Variants in ZFHX3 observed in about 807,000 individuals in gnomAD.
ZFHX3 encodes zinc finger homeobox protein 3.
A neutral mutation model predicts 279.1 loss-of-function variants in ZFHX3; 42 were observed. The ratio of observed to expected loss-of-function variants is 0.15; its 90% confidence interval spans 0.12 to 0.19. The LOEUF (loss-of-function observed/expected upper bound fraction) is 0.19. ZFHX3 is among the 10% of genes least tolerant of loss of function. The probability of loss-of-function intolerance (pLI) is 1.00; values close to 1 mark genes in which losing one functional copy is unlikely to be tolerated. For missense variants in ZFHX3, 4,981 were observed against 4,754.0 expected, an observed-to-expected ratio of 1.05 and a Z score of -1.40; for synonymous variants, 2,293 against 1,957.8, an observed-to-expected ratio of 1.17 and a Z score of -4.52.
chr16:72,958,343 T>C lies in ZFHX3; in HGVS notation c.1803A>G (p.Thr601=). ...CTGTGCTTTCATTTGGTTCTGGTGC[T>C]GTGGCATTGTCTTTATTGGCACTTT... The part of the protein sequence containing the change: ...ADESANKDNA[T]APEPNESTEG... The change falls in exon 2 of 10, where the codon ACA becomes ACG. Residue 601 remains threonine (T), a synonymous_variant. Coordinates refer to ENST00000268489, the MANE Select transcript of ZFHX3 (RefSeq NM_006885.4). The C allele has an allele frequency of 1.2e-6, 2 of 1,614,050 alleles. No homozygotes were observed. Among genetic ancestry groups the C allele is most frequent in the Non-Finnish European group, 8.5e-7 (1 of 1,179,896 alleles).
At chr16:73,557,297 A>G (rs1423063160) in intron 2 of ZFHX3, among the ~76,000 whole-genome samples, 2 of 152,112 alleles carry the variant, frequency 1.3e-5, no homozygotes, top group East Asian at 3.9e-4. Context: ...GAAAATAAAC[A>G]ATCTGTTAGT....
Position 73,704,858 on chromosome 16 carries a change from C to G in ZFHX3, c.-1607-24618G>C, listed in dbSNP as rs184352452. On this transcript the variant is annotated intron_variant, in intron 1 of 17. Transcript: ENST00000641206. ...GAATTGCATCTCCAAGCTGTCCCAC[C>G]TGAGAGGTGAGGAAGCTCAAGTACT... Among the ~76,000 whole-genome samples the G allele has an allele frequency of 2.6e-5, 4 of 152,278 alleles. No homozygotes were observed. The East Asian group carries it at 7.7e-4, about 29-fold the overall frequency.
At chr16:73,704,144 T>C (rs1415405232) in intron 1 of ZFHX3, among the ~76,000 whole-genome samples, 3 of 152,192 alleles carry the variant, frequency 2.0e-5, no homozygotes, top group Non-Finnish European at 4.4e-5. Flanking sequence ...AATTATACAA[T>C]TTCAGATTGA....
At chr16:73,083,820 T>C (rs1276484720) in intron 8 of ZFHX3, among the ~76,000 whole-genome samples, 2 of 152,164 alleles carry the variant, frequency 1.3e-5, no homozygotes, top group Admixed American at 6.6e-5. Context: ...TGAGCCACCA[T>C]GCCCGGCCTT....
chr16:73,744,381 G>T (rs1046822629), intron 1 of ZFHX3, among the ~76,000 whole-genome samples: 2 of 152,182 alleles, frequency 1.3e-5, no homozygotes, highest in Non-Finnish European at 2.9e-5. Context: ...CGGGGCTTCA[G>T]ATGCAATTAT....
intron 2 of ZFHX3, chr16:73,679,754 T>C (rs1419639745): frequency 6.6e-6 from 1 of 152,222 alleles, no homozygotes; most frequent in East Asian, 1.9e-4. Flanking sequence ...TGAGCCATCA[T>C]GTGGTACTTT....
chr16:73,367,760 G>A (rs1482732381), intron 3 of ZFHX3, among the ~76,000 whole-genome samples: 1 of 152,016 alleles, frequency 6.6e-6, no homozygotes, highest in East Asian at 1.9e-4. Context: ...TACTTATTAT[G>A]CAAGTCATAT....
intron 7 of ZFHX3, among the ~76,000 whole-genome samples, chr16:73,103,712 T>A (rs1010871849): frequency 3.9e-5 from 6 of 152,178 alleles, no homozygotes; most frequent in Admixed American, 3.9e-4. Flanking sequence ...ATGCGGAGAT[T>A]AAGCATTAAG....
intron 1 of ZFHX3, among the ~76,000 whole-genome samples, chr16:73,821,584 G>A (rs931068061): frequency 2.0e-5 from 3 of 152,196 alleles, no homozygotes; most frequent in Non-Finnish European, 4.4e-5. Flanking sequence ...AGTGCACAGC[G>A]TGGTGCTGGC....
chr16:73,887,477 T>C (rs1238663547), intron 1 of ZFHX3, among the ~76,000 whole-genome samples: 1 of 152,218 alleles, frequency 6.6e-6, no homozygotes, highest in Non-Finnish European at 1.5e-5. Context: ...TGGTTTATGA[T>C]AGATTAAAAT....
chr16:72,933,426 A>C (rs553339574), intron 3 of ZFHX3, among the ~76,000 whole-genome samples: 40 of 152,298 alleles, frequency 2.6e-4, no homozygotes, highest in African/African-American at 9.1e-4. Flanking sequence ...ATTAGGTTTT[A>C]GTATTTTACC....
intron 1 of ZFHX3, among the ~76,000 whole-genome samples, chr16:73,689,664 G>C (rs1034574973): frequency 2.5e-4 from 38 of 152,154 alleles, no homozygotes; most frequent in African/African-American, 9.2e-4. Context: ...AGGCCATATA[G>C]GCAGTTCTAT....
intron 2 of ZFHX3, among the ~76,000 whole-genome samples, chr16:73,657,141 A>G (rs2052729609): frequency 6.6e-6 from 1 of 152,230 alleles, no homozygotes; most frequent in African/African-American, 2.4e-5. Flanking sequence ...TAGTCCATAT[A>G]CGGTAGAATT....
At chr16:73,766,931 T>TA (rs1278941890) in intron 1 of ZFHX3, among the ~76,000 whole-genome samples, 4 of 144,154 alleles carry the variant, frequency 2.8e-5, no homozygotes, top group African/African-American at 1.1e-4. Flanking sequence ...GTTTTGCCAT[T>TA]ACTTTTTTTT....
rs774988278 is a variant in ZFHX3, at chr16:72,798,495, C to T, written c.4187G>A (p.Arg1396His). The change falls in exon 9 of 10, where the codon CGC becomes CAC. Residue 1396 changes from arginine (R) to histidine (H), a missense_variant. Around this residue, in one of 7 missense-constraint regions of ZFHX3, gnomAD observed 1,751 missense variants for 1,770.0 expected, o/e 0.99. Coordinates refer to ENST00000268489, the MANE Select transcript of ZFHX3 (RefSeq NM_006885.4). ...ATTACAGCGGTACTTGTACACATGG[C>T]GATCTGACACCGGCAGCTGAGGCCT... ...AKRPQLPVSDRHVYKYRCNQC... is the reference protein window; with the variant it reads ...AKRPQLPVSDHHVYKYRCNQC... The T allele has an allele frequency of 1.3e-5, 21 of 1,613,972 alleles. No homozygotes were observed. The highest frequency in any genetic ancestry group is 1.6e-4 in the Middle Eastern group (1 of 6,084).
chr16:73,883,806 G>A (rs754025290), intron 1 of ZFHX3, among the ~76,000 whole-genome samples: 35 of 152,018 alleles, frequency 2.3e-4, no homozygotes, highest in Admixed American at 9.2e-4. Context: ...AGGATGAGGT[G>A]GTCAAGTCAA....
At chr16:72,839,429 C>A (rs2037288165) in intron 4 of ZFHX3, among the ~76,000 whole-genome samples, 1 of 152,104 alleles carries the variant, frequency 6.6e-6, no homozygotes, top group South Asian at 2.1e-4. Flanking sequence ...CACAGTTTAA[C>A]CTCACACCAA....
intron 3 of ZFHX3, among the ~76,000 whole-genome samples, chr16:73,379,118 T>G (rs1175680005): frequency 6.6e-6 from 1 of 152,220 alleles, no homozygotes; most frequent in African/African-American, 2.4e-5. Flanking sequence ...TTCTATACCC[T>G]TGTATCTGCA....
At chr16:72,994,244 G>A (rs1963197754) in intron 1 of ZFHX3, among the ~76,000 whole-genome samples, 4 of 152,162 alleles carry the variant, frequency 2.6e-5, no homozygotes. Context: ...AATTCTTTAT[G>A]AAGAAATTAT....
Sources: gnomAD v4.1 joint callset for allele counts (sites outside exome capture counted in the v4.1 genomes callset) on GRCh38, gnomAD v4.1.1 for gene constraint, gnomAD v4.1.1 regional missense constraint, MANE v1.5 for transcripts, NCBI Gene and HGNC (gene_info 2026-07-23, HGNC 2026-07-21) for gene names.